IL1RAPL1: variants seen among roughly 807,000 people sequenced by gnomAD.
IL1RAPL1 encodes the protein interleukin-1 receptor accessory protein-like 1.
IL1RAPL1 carries 3 observed loss-of-function variants against 48.4 expected under a neutral mutation model. The ratio of observed to expected loss-of-function variants is 0.06; its 90% confidence interval spans 0.03 to 0.16. The LOEUF is 0.16. Ranked by LOEUF, IL1RAPL1 falls within the 10% of genes least tolerant of loss-of-function variation. The pLI, the probability that IL1RAPL1 is intolerant of heterozygous loss-of-function variation, is 1.00. For synonymous variants in IL1RAPL1, 185 were observed against 187.7 expected (o/e 0.99, Z 0.12); for missense variants, 349 against 530.6 (o/e 0.66, Z 3.36).
intron 2 of IL1RAPL1, among the ~76,000 whole-genome samples, chrX:28,884,437 T>C (rs902543422): frequency 2.7e-5 from 3 of 111,448 alleles, no homozygotes; most frequent in Non-Finnish European, 5.7e-5. Flanking sequence ...TGGGAAATTA[T>C]ACCAAAATAG....
At chrX:28,805,752 A>G (rs991923565) in intron 2 of IL1RAPL1, among the ~76,000 whole-genome samples, 2 of 111,141 alleles carry the variant, frequency 1.8e-5, no homozygotes, top group African/African-American at 6.5e-5. Context: ...CAATAAGAAT[A>G]TATGATCGCT....
intron 2 of IL1RAPL1, among the ~76,000 whole-genome samples, chrX:29,129,886 G>A (rs762011075): frequency 1.3e-4 from 15 of 111,263 alleles, no homozygotes; most frequent in South Asian, 7.5e-4. Flanking sequence ...GAGCCACTGC[G>A]CCCGGCCAAT....
chrX:28,698,477 A>G (rs988862571), intron 1 of IL1RAPL1, among the ~76,000 whole-genome samples: 1 of 111,640 alleles, frequency 9.0e-6, no homozygotes, highest in African/African-American at 3.2e-5. Context: ...TTCTGGTTCA[A>G]ATCACCTCAA....
chrX:28,947,012 T>C (rs778650331), intron 2 of IL1RAPL1, among the ~76,000 whole-genome samples: 1 of 111,916 alleles, frequency 8.9e-6, no homozygotes, highest in South Asian at 3.7e-4. Flanking sequence ...AATTTGTGTC[T>C]GCAACTGCAG....
intron 2 of IL1RAPL1, among the ~76,000 whole-genome samples, chrX:29,252,541 A>G (rs1341460185): frequency 8.8e-6 from 1 of 113,993 alleles, no homozygotes; most frequent in Non-Finnish European, 1.9e-5. Context: ...GTTAGCCAAA[A>G]AATGCCTCCC....
At chrX:29,280,756 A>G (rs1054653120) in intron 2 of IL1RAPL1, among the ~76,000 whole-genome samples, 1 of 111,833 alleles carries the variant, frequency 8.9e-6, no homozygotes, top group African/African-American at 3.3e-5. Context: ...TGCATAATAT[A>G]ACATCAAATA....
At chrX:28,692,399 G>A (rs991603984) in intron 1 of IL1RAPL1, among the ~76,000 whole-genome samples, 3 of 111,693 alleles carry the variant, frequency 2.7e-5, no homozygotes, top group African/African-American at 9.8e-5. Context: ...AATAGGTTTC[G>A]AGTCCTAGCT....
chrX:29,431,581 C>T (rs1045830476), intron 5 of IL1RAPL1, among the ~76,000 whole-genome samples: 3 of 111,660 alleles, frequency 2.7e-5, no homozygotes, highest in Non-Finnish European at 5.7e-5. Flanking sequence ...TATTTTGGTT[C>T]ATATTATCTA....
At chrX:29,816,121 C>T (rs1369889498) in intron 6 of IL1RAPL1, among the ~76,000 whole-genome samples, 2 of 110,616 alleles carry the variant, frequency 1.8e-5, no homozygotes, top group East Asian at 5.7e-4. Context: ...TACAAAAGAT[C>T]AACAAAATGA....
intron 5 of IL1RAPL1, among the ~76,000 whole-genome samples, chrX:29,546,395 C>T (rs10482295): frequency 0.018 from 2,021 of 111,166 alleles, 62 homozygotes; most frequent in African/African-American, 0.064. Flanking sequence ...ATAAATATTT[C>T]CAGAAAAGGG....
intron 5 of IL1RAPL1, among the ~76,000 whole-genome samples, chrX:29,580,652 G>C (rs183758131): frequency 4.5e-3 from 504 of 111,556 alleles, no homozygotes; most frequent in Admixed American, 9.7e-3. Flanking sequence ...TGTAGGTTGA[G>C]TCTCGGTCTG....
intron 6 of IL1RAPL1, among the ~76,000 whole-genome samples, chrX:29,682,124 G>T (rs1174296177): frequency 1.8e-5 from 2 of 111,681 alleles, no homozygotes; most frequent in African/African-American, 6.5e-5. Flanking sequence ...TATAATTCTT[G>T]TGTATGTGTG....
chrX:29,463,959 G>T, intron 5 of IL1RAPL1, among the ~76,000 whole-genome samples: 1 of 111,242 alleles, frequency 9.0e-6, no homozygotes, highest in Non-Finnish European at 1.9e-5. Flanking sequence ...GAGTCATCTT[G>T]GATATCCAGC....
At chrX:29,609,480 A>G (rs776220000) in intron 5 of IL1RAPL1, among the ~76,000 whole-genome samples, 9 of 111,239 alleles carry the variant, frequency 8.1e-5, no homozygotes, top group African/African-American at 2.6e-4. Flanking sequence ...CCTCATACTA[A>G]TTTTCCCAAA....
rs1460388102 is a variant in IL1RAPL1 at position 29,233,309 on chromosome X, G to A, written c.83-49629G>A. Among the ~76,000 whole-genome samples the A allele has an allele frequency of 2.7e-5, 3 of 110,589 alleles. No homozygotes were observed. In the East Asian group the frequency reaches 8.5e-4, roughly 32 times the overall value. On this transcript the variant is annotated intron_variant, in intron 2 of 10. Transcript: ENST00000378993. ...TCTTCTCTTCTCCAGGATCCTGCTG[G>A]ACATCACTTCCTGATATTCTTCTGG...
chrX:28,892,671 T>C (rs112921677), intron 2 of IL1RAPL1, among the ~76,000 whole-genome samples: 1,633 of 109,450 alleles, frequency 0.015, 37 homozygotes, highest in African/African-American at 0.045. Flanking sequence ...AGATAATGGG[T>C]GATGTTTCTC....
intron 5 of IL1RAPL1, among the ~76,000 whole-genome samples, chrX:29,457,155 G>A (rs1934748584): frequency 9.5e-6 from 1 of 105,509 alleles, no homozygotes; most frequent in Non-Finnish European, 1.9e-5. Context: ...AAATGAAATA[G>A]TAATGTATAC....
At chrX:28,796,664 G>T (rs1936615278) in intron 2 of IL1RAPL1, among the ~76,000 whole-genome samples, 1 of 111,495 alleles carries the variant, frequency 9.0e-6, no homozygotes, top group Non-Finnish European at 1.9e-5. Context: ...CCGTGGCTTT[G>T]CAGGGTACAG....
chrX:29,536,161 A>G (rs1272887823), intron 5 of IL1RAPL1, among the ~76,000 whole-genome samples: 1 of 112,241 alleles, frequency 8.9e-6, no homozygotes, highest in Non-Finnish European at 1.9e-5. Context: ...AAAAGTAAAT[A>G]AAAGAAATCT....
Sources: gnomAD v4.1 joint callset for allele counts (sites outside exome capture counted in the v4.1 genomes callset) on GRCh38, gnomAD v4.1.1 for gene constraint, MANE v1.5 for transcripts, NCBI Gene and HGNC (gene_info 2026-07-23, HGNC 2026-07-21) for gene names.